Variants in RNF212B observed in about 807,000 individuals in gnomAD.
RNF212B encodes the protein ring finger protein 212B.
Under a neutral mutation model 55.5 loss-of-function variants are expected in RNF212B, and 52 were observed. The ratio of observed to expected loss-of-function variants is 0.94; its 90% confidence interval spans 0.75 to 1.18. The LOEUF is 1.18. Among genes scored for constraint, RNF212B ranks in the 50% most tolerant of loss-of-function variants. The probability of loss-of-function intolerance (pLI) is 0.00; values close to 1 mark genes in which losing one functional copy is unlikely to be tolerated. For synonymous variants in RNF212B, 99 were observed against 121.4 expected (o/e 0.82, Z 1.21); for missense variants, 289 against 350.4 (o/e 0.82, Z 1.40).
intron 1 of RNF212B, among the ~76,000 whole-genome samples, chr14:23,191,829 T>C (rs772507123): frequency 2.0e-5 from 3 of 152,254 alleles, no homozygotes; most frequent in Non-Finnish European, 4.4e-5. Flanking sequence ...TCTTGGCATA[T>C]AGAAGGCACT....
upstream of RNF212B, among the ~76,000 whole-genome samples, chr14:23,235,858 C>T (rs1883055768): frequency 6.6e-6 from 1 of 152,084 alleles, no homozygotes; most frequent in Non-Finnish European, 1.5e-5. Flanking sequence ...GCAAAACAGA[C>T]CAAATAATTT....
chr14:23,238,504 G>T (rs1883298135), intron 1 of RNF212B, among the ~76,000 whole-genome samples: 1 of 151,894 alleles, frequency 6.6e-6, no homozygotes, highest in African/African-American at 2.4e-5. Context: ...AAGGAAGGAG[G>T]ATCGTTTGAG....
intron 1 of RNF212B, among the ~76,000 whole-genome samples, chr14:23,191,505 G>A (rs1228501400): frequency 6.6e-6 from 1 of 152,042 alleles, no homozygotes; most frequent in Non-Finnish European, 1.5e-5. Flanking sequence ...TATTGATGTT[G>A]TTAGTTGGTT....
At chr14:23,267,694 GC>G (rs1885803904) in intron 11 of RNF212B, among the ~76,000 whole-genome samples, 1 of 152,208 alleles carries the variant, frequency 6.6e-6, no homozygotes, top group Non-Finnish European at 1.5e-5. Context: ...CTCCCAAAGT[GC>G]TGAGGATTAC....
intron 1 of RNF212B, among the ~76,000 whole-genome samples, chr14:23,239,993 A>AACACACACAC: frequency 6.9e-6 from 1 of 145,542 alleles, no homozygotes; most frequent in South Asian, 2.2e-4. Flanking sequence ...AGTAAAGGAA[A>AACACACACAC]ACACACACAC....
intron 2 of RNF212B, among the ~76,000 whole-genome samples, chr14:23,193,698 G>A: frequency 6.6e-6 from 1 of 150,624 alleles, no homozygotes. Flanking sequence ...ATTTGGCTCA[G>A]CAATAAAGAA....
At chr14:23,200,067 C>T (rs537207550) in intron 2 of RNF212B, among the ~76,000 whole-genome samples, 7 of 151,664 alleles carry the variant, frequency 4.6e-5, no homozygotes, top group Admixed American at 2.0e-4. Flanking sequence ...AGTGTACTAT[C>T]GTCTTGAAAC....
At chr14:23,210,532 C>T (rs1356879500) in intron 2 of RNF212B, among the ~76,000 whole-genome samples, 1 of 151,978 alleles carries the variant, frequency 6.6e-6, no homozygotes, top group Non-Finnish European at 1.5e-5. Context: ...AATCCCAGAA[C>T]TTTGGGAGGC....
At chr14:23,222,109 A>G (rs541408132) in intron 2 of RNF212B, among the ~76,000 whole-genome samples, 2 of 152,254 alleles carry the variant, frequency 1.3e-5, no homozygotes, top group African/African-American at 4.8e-5. Flanking sequence ...CAAACCCAAA[A>G]TTAGGAGAAA....
upstream of RNF212B, among the ~76,000 whole-genome samples, chr14:23,236,750 C>A (rs2140428536): frequency 6.6e-6 from 1 of 152,010 alleles, no homozygotes; most frequent in African/African-American, 2.4e-5. Flanking sequence ...AAGCCTGAGA[C>A]CAAAAAGTTT....
At chr14:23,237,929 G>T (rs1441964423), upstream of RNF212B, among the ~76,000 whole-genome samples, 1 of 152,186 alleles carries the variant, frequency 6.6e-6, no homozygotes, top group Non-Finnish European at 1.5e-5. Flanking sequence ...CCTCGGCTGC[G>T]CCCAGCCTCT....
chr14:23,237,487 A>G (rs78443060), upstream of RNF212B, among the ~76,000 whole-genome samples: 3,935 of 152,258 alleles, frequency 0.026, 62 homozygotes, highest in Middle Eastern at 0.095. Flanking sequence ...TTCTCAATTA[A>G]TATCACACTG....
chr14:23,254,390 T>C (rs1049036575), intron 4 of RNF212B, among the ~76,000 whole-genome samples: 5 of 151,990 alleles, frequency 3.3e-5, no homozygotes, highest in Admixed American at 1.3e-4. Context: ...ATCCCAGCAC[T>C]TGGAGGATGA....
Position 23,269,091 on chromosome 14 carries a change from G to A in RNF212B, c.674+128G>A, listed in dbSNP as rs1285116762. 3 of 697,884 alleles carry A rather than the reference G, an allele frequency of 4.3e-6. No individual in the cohort carries two copies. In the African/African-American group the frequency reaches 5.4e-5, roughly 13 times the overall value. 43.2% of individuals were successfully genotyped at this position (697,884 alleles called of 1,614,324 possible). On this transcript the variant is annotated intron_variant, in intron 12 of 14. Coordinates refer to ENST00000430154, the MANE Select transcript of RNF212B (RefSeq NM_001282322.3). ...AGGCCGAGGAGGGTGGATCACTTGA[G>A]GTCAGGAGTTTGAGACCAGTATGGC...
At chr14:23,258,806 T>A in intron 5 of RNF212B, 142 bp downstream of exon 5, 2 of 443,158 alleles carry the variant, frequency 4.5e-6, no homozygotes, top group Non-Finnish European at 7.9e-6. Context: ...GAATTTTTGA[T>A]CCCCTGAATC....
chr14:23,241,650 C>G (rs1211114644), intron 2 of RNF212B, among the ~76,000 whole-genome samples: 2 of 151,934 alleles, frequency 1.3e-5, no homozygotes, highest in Admixed American at 1.3e-4. Flanking sequence ...TCTCGAACTC[C>G]CGGCCTCAAG....
intron 2 of RNF212B, among the ~76,000 whole-genome samples, chr14:23,211,475 G>A (rs1880514111): frequency 6.6e-6 from 1 of 151,990 alleles, no homozygotes. Flanking sequence ...CTCCCCAAAA[G>A]TTAAAGAGAA....
chr14:23,217,256 G>T (rs200197774), intron 2 of RNF212B, among the ~76,000 whole-genome samples: 10 of 18,970 alleles, frequency 5.3e-4, no homozygotes, highest in East Asian at 1.4e-3. Flanking sequence ...TGGCAGTGGT[G>T]GGGGGGGGGC....
chr14:23,231,437 T>G (rs1336467294), intron 2 of RNF212B, among the ~76,000 whole-genome samples: 1 of 152,166 alleles, frequency 6.6e-6, no homozygotes, highest in Non-Finnish European at 1.5e-5. Flanking sequence ...CATATGCACA[T>G]GCAAACTTTA....
Sources: gnomAD v4.1 joint callset for allele counts (sites outside exome capture counted in the v4.1 genomes callset) on GRCh38, gnomAD v4.1.1 for gene constraint, MANE v1.5 for transcripts, NCBI Gene and HGNC (gene_info 2026-07-23, HGNC 2026-07-21) for gene names.